Variants in EPB41L5 observed in about 807,000 individuals in gnomAD.
EPB41L5 encodes band 4.1-like protein 5.
A neutral mutation model predicts 106.6 loss-of-function variants in EPB41L5; 55 were observed. That is an observed-to-expected ratio of 0.52 (90% CI 0.42 to 0.65). The LOEUF is 0.65. Ranked by LOEUF, EPB41L5 falls within the 30% of genes least tolerant of loss-of-function variation. The pLI is 0.00. For synonymous variants in EPB41L5, 297 were observed against 306.7 expected, an observed-to-expected ratio of 0.97 and a Z score of 0.33; for missense variants, 871 against 882.1, an observed-to-expected ratio of 0.99 and a Z score of 0.16.
intron 10 of EPB41L5, 37 bp from the exon 11 acceptor site, chr2:120,087,134 T>C (rs747624916): frequency 8.0e-7 from 1 of 1,256,398 alleles, no homozygotes; most frequent in South Asian, 1.3e-5. Context: ...AGAACATTTG[T>C]TTGTAATTTG....
At position 120,165,360 on chromosome 2, in the gene EPB41L5, T is replaced by C. The variant is rs191530189; in HGVS notation, c.1962+450T>C. 3.6e-3 allele frequency among the ~76,000 whole-genome samples: 552 copies of C among 152,328 alleles called. 1 individual carries two copies. Among genetic ancestry groups the C allele is most frequent in the Non-Finnish European group, 6.5e-3 (445 of 68,026 alleles). On this transcript the variant is annotated intron_variant, in intron 22 of 24. Coordinates refer to ENST00000263713, the MANE Select transcript of EPB41L5 (RefSeq NM_020909.4). ...GACTCCCCTTGGATACCAAAATCCA[T>C]GCATGCTTAAATCTCATATAAAATG...
intron 17 of EPB41L5, among the ~76,000 whole-genome samples, chr2:120,129,343 AAAAG>A (rs34424739): frequency 6.7e-5 from 10 of 148,366 alleles, no homozygotes; most frequent in Non-Finnish European, 1.3e-4. Context: ...CTCAAAAAAA[AAAAG>A]AAAGAAAGAA....
At chr2:120,045,201 A>G (rs1180587700) in intron 3 of EPB41L5, among the ~76,000 whole-genome samples, 1 of 152,238 alleles carries the variant, frequency 6.6e-6, no homozygotes, top group Non-Finnish European at 1.5e-5. Flanking sequence ...CTATGACTAT[A>G]GAATTATGGA....
intron 21 of EPB41L5, among the ~76,000 whole-genome samples, chr2:120,162,069 A>T (rs547690803): frequency 3.3e-5 from 5 of 152,198 alleles, no homozygotes; most frequent in South Asian, 2.1e-4. Flanking sequence ...CCTTCAAGCA[A>T]TTCTACTACC....
At chr2:120,080,277 G>A (rs1425608675) in intron 10 of EPB41L5, among the ~76,000 whole-genome samples, 1 of 151,750 alleles carries the variant, frequency 6.6e-6, no homozygotes, top group Non-Finnish European at 1.5e-5. Context: ...CCCACGACAG[G>A]CCCCGGTGTG....
At chr2:120,066,078 G>A (rs1360818197) in intron 3 of EPB41L5, among the ~76,000 whole-genome samples, 1 of 151,728 alleles carries the variant, frequency 6.6e-6, no homozygotes, top group African/African-American at 2.4e-5. Context: ...TATGGGGTGT[G>A]GGTAATAGGG....
At chr2:120,109,905 T>C (rs1480442250) in intron 16 of EPB41L5, among the ~76,000 whole-genome samples, 1 of 152,258 alleles carries the variant, frequency 6.6e-6, no homozygotes, top group Non-Finnish European at 1.5e-5. Context: ...GATTGCATAC[T>C]GTACAAGAGT....
chr2:120,122,677 A>G (rs975455592), intron 16 of EPB41L5, among the ~76,000 whole-genome samples: 1 of 152,168 alleles, frequency 6.6e-6, no homozygotes, highest in South Asian at 2.1e-4. Flanking sequence ...TTGGTTCCAT[A>G]TGAACTTTAA....
intron 20 of EPB41L5, among the ~76,000 whole-genome samples, chr2:120,150,628 T>C (rs1686629529): frequency 6.6e-6 from 1 of 152,122 alleles, no homozygotes. Context: ...AGGTGTGACC[T>C]ACTGTGCCTG....
chr2:120,152,675 A>T (rs1686730197), intron 20 of EPB41L5, among the ~76,000 whole-genome samples: 1 of 152,210 alleles, frequency 6.6e-6, no homozygotes, highest in Non-Finnish European at 1.5e-5. Context: ...ATTGAGAAGG[A>T]TTATTGTTAA....
At position 120,105,235 on chromosome 2, in the gene EPB41L5, T is replaced by C. The variant is rs1041878824; in HGVS notation, c.1337+4421T>C. Reference sequence around the variant, plus strand: ...AAAGTCCATTTCTGATAGGAAAACATGTTAAGGGAAGCATTTCTTCTGTCT... The same window carrying C: ...AAAGTCCATTTCTGATAGGAAAACACGTTAAGGGAAGCATTTCTTCTGTCT... On this transcript the variant is annotated intron_variant, in intron 16 of 24. Transcript: ENST00000263713. The C allele has an allele frequency of 1.0e-5, 10 of 983,378 alleles. No individual in the cohort carries two copies. The African/African-American group carries it at 1.7e-4, about 17-fold the overall frequency. 60.9% of individuals were successfully genotyped at this position (983,378 alleles called of 1,614,324 possible). A position where few individuals can be genotyped will look rare whatever the true frequency, so the allele number is the denominator to read the frequency against.
In EPB41L5 at chr2:120,047,359, C is replaced by A. The variant is rs1229323726; in HGVS notation, c.285+5249C>A. On this transcript the variant is annotated intron_variant, in intron 3 of 24. Transcript: ENST00000263713. ...TGTTGAGCAGTGGTTTGTAGTTCTCCTTGAAGAGGTCCTTCACATCCCTTG... is the reference window on the plus strand; with the variant it reads ...TGTTGAGCAGTGGTTTGTAGTTCTCATTGAAGAGGTCCTTCACATCCCTTG... 2.6e-5 allele frequency among the ~76,000 whole-genome samples: 4 copies of A among 151,998 alleles called. No homozygotes were observed. In the South Asian group the frequency reaches 8.3e-4, roughly 32 times the overall value.
chr2:120,085,919 A>T (rs1683024290), intron 10 of EPB41L5, among the ~76,000 whole-genome samples: 1 of 152,166 alleles, frequency 6.6e-6, no homozygotes, highest in South Asian at 2.1e-4. Context: ...CACTTAGAAG[A>T]ATACTTAGGG....
intron 22 of EPB41L5, among the ~76,000 whole-genome samples, chr2:120,165,990 A>AAC: frequency 6.6e-6 from 1 of 151,610 alleles, no homozygotes; most frequent in Non-Finnish European, 1.5e-5. Flanking sequence ...AAAAAAAAAA[A>AAC]AAAACAGAAA....
At chr2:120,033,960 A>G (rs1356638624) in intron 2 of EPB41L5, among the ~76,000 whole-genome samples, 1 of 151,522 alleles carries the variant, frequency 6.6e-6, no homozygotes, top group African/African-American at 2.4e-5. Context: ...GCCAGCTATG[A>G]TGGTGCACAC....
chr2:120,132,243 T>C (rs181513666), intron 18 of EPB41L5, among the ~76,000 whole-genome samples: 29 of 152,332 alleles, frequency 1.9e-4, no homozygotes, highest in Admixed American at 7.2e-4. Flanking sequence ...AAGTAACTTA[T>C]AGAAAGAGCT....
At chr2:120,023,043 G>T (rs1033651899) in intron 2 of EPB41L5, among the ~76,000 whole-genome samples, 1 of 151,928 alleles carries the variant, frequency 6.6e-6, no homozygotes. Context: ...TTTTTTTCTT[G>T]TAAATTTGTT....
intron 22 of EPB41L5, among the ~76,000 whole-genome samples, chr2:120,166,029 T>C (rs1008743396): frequency 1.4e-5 from 2 of 146,382 alleles, no homozygotes; most frequent in South Asian, 2.2e-4. Flanking sequence ...ATGAGTGATA[T>C]GACGAGAATT....
intron 3 of EPB41L5, among the ~76,000 whole-genome samples, chr2:120,049,504 T>C (rs1246234229): frequency 6.6e-6 from 1 of 152,182 alleles, no homozygotes; most frequent in African/African-American, 2.4e-5. Flanking sequence ...TTTTTTGTTT[T>C]CCATTTGCTT....
Sources: allele counts gnomAD v4.1 joint callset (sites outside exome capture counted in the v4.1 genomes callset), GRCh38; gene constraint gnomAD v4.1.1; transcripts MANE v1.5; gene names NCBI Gene and HGNC (gene_info 2026-07-23, HGNC 2026-07-21).